The following LDLRAD4 variants were observed in gnomAD, a reference collection of about 807,000 sequenced individuals.
The protein encoded by LDLRAD4 is low-density lipoprotein receptor class A domain-containing protein 4.
In LDLRAD4, 5 loss-of-function variants were observed where a neutral mutation model predicts 17.0. The ratio of observed to expected loss-of-function variants is 0.29; its 90% CI spans 0.15 to 0.62. The LOEUF is 0.62. Among genes scored for constraint, LDLRAD4 ranks in the 20% least tolerant of loss-of-function variants. LDLRAD4 has a pLI of 0.84. For missense variants in LDLRAD4, 340 were observed against 424.7 expected (o/e 0.80, Z 1.75); for synonymous variants, 168 against 171.8 (o/e 0.98, Z 0.17).
In LDLRAD4 at chr18:13,645,440, C is replaced by G; in HGVS notation, c.704C>G (p.Ser235Trp). 1.9e-6 allele frequency: 3 copies of G among 1,614,014 alleles called. No homozygotes were observed. The African/African-American group carries it at 4.0e-5, about 22-fold the overall frequency. ...GGTCCATGCCCACCCAGCAGCAACT[C>G]GGGCATCAGTGCAAGCACCTGCAGC... Residue 235 changes from serine to tryptophan, a missense_variant, in exon 6 of 6, where the codon TCG (serine) becomes TGG (tryptophan). Transcript: ENST00000359446. This position sits in a 1 kb window ranked among gnomAD's most constrained non-coding sequence, Gnocchi z 5.7.
intron 1 of LDLRAD4, among the ~76,000 whole-genome samples, chr18:13,343,052 A>G (rs538142196): frequency 3.3e-5 from 5 of 152,226 alleles, no homozygotes; most frequent in East Asian, 3.9e-4. Flanking sequence ...AGCATTACAC[A>G]TAATTTCCTA....
chr18:13,503,020 C>T (rs529841232), intron 3 of LDLRAD4, among the ~76,000 whole-genome samples: 4 of 152,328 alleles, frequency 2.6e-5, no homozygotes, highest in Admixed American at 1.3e-4. Context: ...CTTGTATTAA[C>T]ATGAACCTGA....
intron 3 of LDLRAD4, chr18:13,522,870 T>C (rs2093973841): frequency 6.6e-6 from 1 of 152,310 alleles, no homozygotes; most frequent in Non-Finnish European, 1.5e-5. Context: ...ATCTTAAATG[T>C]ATGTACGAAG....
chr18:13,527,566 C>T (rs993205327), intron 3 of LDLRAD4, among the ~76,000 whole-genome samples: 9 of 152,250 alleles, frequency 5.9e-5, no homozygotes, highest in African/African-American at 1.7e-4. Flanking sequence ...CAGTCCCTCA[C>T]CCGCGGGCTT....
intron 1 of LDLRAD4, among the ~76,000 whole-genome samples, chr18:13,308,701 G>A (rs1020463688): frequency 2.0e-5 from 3 of 152,270 alleles, no homozygotes; most frequent in African/African-American, 7.2e-5. Flanking sequence ...TGTGTTTGTG[G>A]TTGTTGAACT....
At chr18:13,343,800 T>C (rs998452906) in intron 1 of LDLRAD4, among the ~76,000 whole-genome samples, 2 of 152,224 alleles carry the variant, frequency 1.3e-5, no homozygotes, top group Non-Finnish European at 1.5e-5. Flanking sequence ...TGGTATCTCA[T>C]TGTGGTTTTG....
At chr18:13,393,983 C>T (rs142669909) in intron 2 of LDLRAD4, among the ~76,000 whole-genome samples, 1 of 152,288 alleles carries the variant, frequency 6.6e-6, no homozygotes, top group African/African-American at 2.4e-5. Context: ...GTGATGTGTA[C>T]AGGAGAAGCC....
rs552807309 is a variant in LDLRAD4, at chr18:13,532,302, G to A, written c.182-88815G>A. 7.9e-5 allele frequency among the ~76,000 whole-genome samples: 12 copies of A among 152,336 alleles called. No homozygotes were observed. In the South Asian group the frequency reaches 8.3e-4, roughly 11 times the overall value. On this transcript the variant is annotated intron_variant, in intron 3 of 5. Coordinates refer to ENST00000359446, the Ensembl canonical transcript of LDLRAD4. ...TATTATTCCTCCCTCTGAGAAATAC[G>A]TGACTATACATTCAAGATTGCGGCT... is the stretch of plus-strand genomic sequence containing the variant.
At chr18:13,515,734 T>G (rs2093855222) in intron 3 of LDLRAD4, 1 of 152,226 alleles carries the variant, frequency 6.6e-6, no homozygotes, top group Admixed American at 6.5e-5. Context: ...TATATTACGA[T>G]CACTACTGCT....
At chr18:13,529,066 A>G (rs555745424) in intron 3 of LDLRAD4, among the ~76,000 whole-genome samples, 1 of 152,386 alleles carries the variant, frequency 6.6e-6, no homozygotes, top group Non-Finnish European at 1.5e-5. Flanking sequence ...TCGAAATAGC[A>G]GCATCTACTT....
chr18:13,504,213 G>A (rs549241473), intron 3 of LDLRAD4, among the ~76,000 whole-genome samples: 9 of 152,152 alleles, frequency 5.9e-5, no homozygotes, highest in Non-Finnish European at 1.2e-4. Flanking sequence ...TTGGACACCA[G>A]ATCCAAATTC....
rs2090929778 is a variant in LDLRAD4, at chr18:13,440,123, G to A, written c.181+1739G>A. Among the ~76,000 whole-genome samples the A allele has an allele frequency of 6.6e-6, 1 of 152,134 alleles. No individual in the cohort carries two copies. The highest frequency in any genetic ancestry group is 1.5e-5 in the Non-Finnish European group (1 of 68,018). ...GCTGTGTAGAGAATATCAGGACCTTGTGTGCTGCCTTGACTGGGTTCAGAG... is the reference window on the plus strand; with the variant it reads ...GCTGTGTAGAGAATATCAGGACCTTATGTGCTGCCTTGACTGGGTTCAGAG... On this transcript the variant is annotated intron_variant, in intron 3 of 5. Transcript: ENST00000359446. The surrounding 1 kb of genome is among the most constrained non-coding windows in gnomAD (Gnocchi z 4.4).
chr18:13,295,040 C>T (rs1198188622), intron 1 of LDLRAD4, among the ~76,000 whole-genome samples: 1 of 152,118 alleles, frequency 6.6e-6, no homozygotes, highest in East Asian at 1.9e-4. Context: ...TAGGTAAACC[C>T]TTCTTGCCCT....
intron 2 of LDLRAD4, among the ~76,000 whole-genome samples, chr18:13,415,433 G>T (rs2088788842): frequency 6.6e-6 from 1 of 152,190 alleles, no homozygotes; most frequent in Non-Finnish European, 1.5e-5. Context: ...CTGAACAGCT[G>T]CGGTGGCAGC....
At chr18:13,222,878 C>T (rs2041541625) in intron 1 of LDLRAD4, among the ~76,000 whole-genome samples, 2 of 152,182 alleles carry the variant, frequency 1.3e-5, no homozygotes, top group Admixed American at 1.3e-4. Flanking sequence ...CTGCCCAGGG[C>T]CTAAAGTATC....
At chr18:13,602,980 T>C (rs1048247481) in intron 3 of LDLRAD4, among the ~76,000 whole-genome samples, 1 of 152,126 alleles carries the variant, frequency 6.6e-6, no homozygotes, top group Non-Finnish European at 1.5e-5. Context: ...AAAGAAAGGC[T>C]ATGGACATAA....
chr18:13,262,614 G>A (rs1337777210), intron 1 of LDLRAD4, among the ~76,000 whole-genome samples: 22 of 91,810 alleles, frequency 2.4e-4, no homozygotes, highest in African/African-American at 1.2e-3. Context: ...GCGGCCCTGT[G>A]CGTGGAAACT....
intron 1 of LDLRAD4, among the ~76,000 whole-genome samples, chr18:13,342,454 C>T (rs1397211586): frequency 8.8e-6 from 1 of 113,894 alleles, no homozygotes; most frequent in African/African-American, 3.3e-5. Context: ...ATGATTCAGT[C>T]TGTGGTTCCT....
At chr18:13,470,396 G>A (rs1319491267) in intron 3 of LDLRAD4, among the ~76,000 whole-genome samples, 1 of 151,800 alleles carries the variant, frequency 6.6e-6, no homozygotes, top group African/African-American at 2.4e-5. Context: ...AAATCATACT[G>A]TCAGGTTGAG....
Sources: gnomAD v4.1 joint callset for allele counts (sites outside exome capture counted in the v4.1 genomes callset) on GRCh38, gnomAD v4.1.1 for gene constraint, Gnocchi (gnomAD v3.1) non-coding constraint, MANE v1.5 for transcripts, NCBI Gene and HGNC (gene_info 2026-07-23, HGNC 2026-07-21) for gene names.